CHD6: variants seen among roughly 807,000 people sequenced by gnomAD.
CHD6 encodes the protein ATP-dependent chromatin remodeler CHD6.
A neutral mutation model predicts 276.9 loss-of-function variants in CHD6; 50 were observed. That is an observed-to-expected ratio of 0.18 (90% CI 0.14 to 0.23). The LOEUF is 0.23. CHD6 is among the 10% of genes least tolerant of loss of function. The pLI is 1.00. For synonymous variants in CHD6, 1,173 were observed against 1,229.3 expected (o/e 0.95, Z 0.96); for missense variants, 2,564 against 3,365.8 (o/e 0.76, Z 5.89).
Position 41,555,447 on chromosome 20 carries a change from G to A in CHD6, c.-23-4087C>T, listed in dbSNP as rs1366661283. 5.0e-4 allele frequency among the ~76,000 whole-genome samples: 73 copies of A among 145,050 alleles called. 1 individual carries two copies. Among genetic ancestry groups the A allele is most frequent in the African/African-American group, 1.7e-3 (62 of 35,490 alleles). On this transcript the variant is annotated intron_variant, in intron 1 of 36. Transcript: ENST00000373233. ...CTCCCTCCCGGACGGGGTGGCTGCC[G>A]GGCGGAGACGCTCCTCACTTCCCAG...
intron 1 of CHD6, among the ~76,000 whole-genome samples, chr20:41,583,416 C>T (rs1460574245): frequency 6.6e-6 from 1 of 151,488 alleles, no homozygotes; most frequent in African/African-American, 2.4e-5. Context: ...AAACACACCT[C>T]ACAACGCAGA....
chr20:41,470,032 TATTTATAGCACGTGGGTGCAA>T (rs1222944123), intron 17 of CHD6, among the ~76,000 whole-genome samples: 1 of 152,214 alleles, frequency 6.6e-6, no homozygotes, highest in Non-Finnish European at 1.5e-5. Context: ...AAATATTCTA[TATTTATAGCACGTGGGTGCAA>T]GGGCAAATGC....
At chr20:41,455,722 C>T (rs1361713206) in intron 19 of CHD6, 78 bp downstream of exon 19, 3 of 922,958 alleles carry the variant, frequency 3.3e-6, no homozygotes, top group East Asian at 2.7e-5. Flanking sequence ...GAAACAGAAG[C>T]CCTGCTAATG....
At chr20:41,530,306 C>T (rs534768669) in intron 3 of CHD6, among the ~76,000 whole-genome samples, 11 of 152,260 alleles carry the variant, frequency 7.2e-5, no homozygotes, top group Admixed American at 5.9e-4. Context: ...ATAAAGGGGC[C>T]AACAGCAGGG....
intron 16 of CHD6, among the ~76,000 whole-genome samples, chr20:41,478,653 G>A (rs2043221756): frequency 6.6e-6 from 1 of 152,166 alleles, no homozygotes; most frequent in Non-Finnish European, 1.5e-5. Flanking sequence ...GTTTCTGGCT[G>A]ACTTCTGACT....
At chr20:41,563,116 G>A (rs2045319467) in intron 1 of CHD6, among the ~76,000 whole-genome samples, 1 of 152,164 alleles carries the variant, frequency 6.6e-6, no homozygotes, top group Admixed American at 6.5e-5. Context: ...CCTGCATGTG[G>A]GTAATATAAG....
At position 41,420,920 on chromosome 20, in the gene CHD6, G is replaced by A; in HGVS notation, c.5715C>T (p.Asn1905=). 4 of 1,614,134 alleles carry A rather than the reference G, an allele frequency of 2.5e-6. No homozygotes were observed. The highest frequency in any genetic ancestry group is 2.5e-6 in the Non-Finnish European group (3 of 1,180,024). ...TCTTGGTTTCATCTTGGAAGCCTTGGTTCTTTTCCCTTGAGATGTTAGTAG... is the reference window on the plus strand; with the variant it reads ...TCTTGGTTTCATCTTGGAAGCCTTGATTCTTTTCCCTTGAGATGTTAGTAG... ...EPTTNISREK[N]QGFQDETKKG... is the part of the protein sequence containing the mutation. Residue 1905 remains asparagine, a synonymous_variant, in exon 31 of 37, where the codon AAC becomes AAT. Coordinates refer to ENST00000373233, the MANE Select transcript of CHD6 (RefSeq NM_032221.5).
intron 2 of CHD6, among the ~76,000 whole-genome samples, chr20:41,536,760 CAT>C (rs1362213966): frequency 4.6e-5 from 7 of 152,106 alleles, no homozygotes; most frequent in Non-Finnish European, 8.8e-5. Context: ...GGTCAGGAAA[CAT>C]ATATTTCTAT....
intron 3 of CHD6, among the ~76,000 whole-genome samples, chr20:41,517,411 T>C (rs2044278862): frequency 1.3e-5 from 2 of 152,012 alleles, no homozygotes. Context: ...AAACCTGCAT[T>C]TGTACCTCTG....
At chr20:41,524,651 C>G (rs187817837) in intron 3 of CHD6, among the ~76,000 whole-genome samples, 179 of 152,298 alleles carry the variant, frequency 1.2e-3, no homozygotes, top group African/African-American at 4.0e-3. Flanking sequence ...TACGCTCATG[C>G]TTCTAGTTCA....
chr20:41,595,180 A>G (rs950559340), intron 1 of CHD6, among the ~76,000 whole-genome samples: 2 of 152,148 alleles, frequency 1.3e-5, no homozygotes, highest in Non-Finnish European at 2.9e-5. Flanking sequence ...ACGCAGGAGG[A>G]AAGGGCCTAC....
rs1241237338 is a variant in CHD6 at position 41,533,660 on chromosome 20, A to T, written c.34-90T>A. 3 of 1,204,918 alleles carry T rather than the reference A, an allele frequency of 2.5e-6. No individual in the cohort carries two copies. In the East Asian group the frequency reaches 7.1e-5, roughly 29 times the overall value. The allele number at this position is 1,204,918 out of a possible 1,614,324, so 74.6% of individuals were successfully genotyped here. On this transcript the variant is annotated intron_variant, in intron 2 of 36. Transcript: ENST00000373233. ...CCAGTTTGAATACATGGATTTGCTCAACAAATATTTACTGAGTTCCCACTC... is the reference window on the plus strand; with the variant it reads ...CCAGTTTGAATACATGGATTTGCTCTACAAATATTTACTGAGTTCCCACTC...
chr20:41,611,470 A>G (rs1252976380), intron 1 of CHD6, among the ~76,000 whole-genome samples: 1 of 152,228 alleles, frequency 6.6e-6, no homozygotes, highest in African/African-American at 2.4e-5. Context: ...CACCTCCATC[A>G]TAACAGGAGG....
chr20:41,420,435 T>C (rs2047147208), intron 31 of CHD6, 73 bp downstream of exon 31: 12 of 1,473,238 alleles, frequency 8.1e-6, no homozygotes, highest in Non-Finnish European at 1.0e-5. Context: ...AAGCACTCTC[T>C]CCCCTAAAAC....
intron 36 of CHD6, among the ~76,000 whole-genome samples, chr20:41,409,203 C>T (rs1490041849): frequency 6.6e-6 from 1 of 152,204 alleles, no homozygotes; most frequent in Non-Finnish European, 1.5e-5. Context: ...GTGGAGGAGT[C>T]ACCCCAGCCA....
At chr20:41,539,850 G>T (rs1201250197) in intron 2 of CHD6, among the ~76,000 whole-genome samples, 1 of 152,102 alleles carries the variant, frequency 6.6e-6, no homozygotes, top group East Asian at 1.9e-4. Flanking sequence ...CCCATCATCT[G>T]GAATAATACT....
intron 3 of CHD6, among the ~76,000 whole-genome samples, chr20:41,520,148 G>A (rs1456391077): frequency 3.3e-5 from 5 of 152,176 alleles, no homozygotes; most frequent in African/African-American, 4.8e-5. Flanking sequence ...TTAGAATGGT[G>A]ATCATTAAAA....
chr20:41,514,983 T>C, intron 3 of CHD6, 31 bp from the exon 4 acceptor site: 1 of 1,610,256 alleles, frequency 6.2e-7, no homozygotes, highest in Non-Finnish European at 8.5e-7. Context: ...TTAAAACTGT[T>C]GGGCAGTTTT....
At chr20:41,617,871 GGGC>G (rs997721603) in intron 1 of CHD6, among the ~76,000 whole-genome samples, 4 of 150,544 alleles carry the variant, frequency 2.7e-5, no homozygotes, top group African/African-American at 9.7e-5. Context: ...TTCTCCGCGG[GGGC>G]GGCGGCGGGA....
Sources: gnomAD v4.1 joint callset for allele counts (sites outside exome capture counted in the v4.1 genomes callset) on GRCh38, gnomAD v4.1.1 for gene constraint, MANE v1.5 for transcripts, NCBI Gene and HGNC (gene_info 2026-07-23, HGNC 2026-07-21) for gene names.